The following PLPP4 variants were observed in gnomAD, a reference collection of about 807,000 sequenced individuals.
PLPP4 encodes the protein diacylglycerol pyrophosphate like 2.
In PLPP4, 20 loss-of-function variants were observed where a neutral mutation model predicts 32.2. The observed-to-expected ratio is 0.62, with a 90% CI of 0.44 to 0.90. PLPP4 has a LOEUF of 0.90. PLPP4 is among the 40% of genes least tolerant of loss of function. PLPP4 has a pLI of 0.00. For missense variants in PLPP4, 257 were observed against 353.1 expected (o/e 0.73, Z 2.18); for synonymous variants, 127 against 133.0 (o/e 0.95, Z 0.31).
chr10:120,467,877 T>C lies in PLPP4; in HGVS notation c.56+10516T>C, dbSNP rs1848387803. On this transcript the variant is annotated intron_variant, in intron 1 of 6. Transcript: ENST00000398250. ...ACCTGTTAGTCACTTTTCCTGATCC[T>C]TTTCCTCCTCCCACCCACTCACCCG... Among the ~76,000 whole-genome samples the C allele has an allele frequency of 3.1e-5, 2 of 64,490 alleles. 1 individual carries two copies. The highest frequency in any genetic ancestry group is 9.0e-5 in the Non-Finnish European group (2 of 22,196). The allele number at this position is 64,490 out of a possible 152,430, so 42.3% of individuals were successfully genotyped here.
intron 1 of PLPP4, among the ~76,000 whole-genome samples, chr10:120,489,563 C>T (rs1203995114): frequency 1.3e-5 from 2 of 152,146 alleles, no homozygotes; most frequent in African/African-American, 4.8e-5. Flanking sequence ...TGGGGAAGAC[C>T]TTGGGGTGGG....
At chr10:120,534,102 C>T (rs1235101555) in intron 5 of PLPP4, among the ~76,000 whole-genome samples, 3 of 152,068 alleles carry the variant, frequency 2.0e-5, no homozygotes, top group Admixed American at 2.0e-4. Flanking sequence ...TCTGGGATCA[C>T]TTGTTTGTGG....
At chr10:120,502,688 G>A (rs1845313806) in intron 1 of PLPP4, among the ~76,000 whole-genome samples, 1 of 152,158 alleles carries the variant, frequency 6.6e-6, no homozygotes, top group African/African-American at 2.4e-5. Flanking sequence ...GATAGAAAGC[G>A]GGGCTGTGGG....
intron 5 of PLPP4, among the ~76,000 whole-genome samples, chr10:120,561,105 T>C (rs1308768373): frequency 6.6e-6 from 1 of 152,212 alleles, no homozygotes; most frequent in African/African-American, 2.4e-5. Flanking sequence ...AGCAGTCCTT[T>C]AGCGCTTTGG....
intron 6 of PLPP4, among the ~76,000 whole-genome samples, chr10:120,577,910 C>T (rs932509884): frequency 3.9e-5 from 6 of 152,170 alleles, no homozygotes; most frequent in African/African-American, 1.2e-4. Context: ...TGTTTTCAAT[C>T]TCTCAGGGGA....
At chr10:120,544,090 C>T (rs1235527461) in intron 5 of PLPP4, among the ~76,000 whole-genome samples, 1 of 152,166 alleles carries the variant, frequency 6.6e-6, no homozygotes, top group Non-Finnish European at 1.5e-5. Context: ...GTACAGATAC[C>T]TCTTTGAGCC....
chr10:120,567,268 A>G (rs1374201309), intron 5 of PLPP4, among the ~76,000 whole-genome samples: 2 of 152,236 alleles, frequency 1.3e-5, no homozygotes, highest in Non-Finnish European at 2.9e-5. Flanking sequence ...ACTTTGGCTA[A>G]GAAATAGACA....
At chr10:120,478,577 A>G (rs926491148) in intron 1 of PLPP4, among the ~76,000 whole-genome samples, 8 of 152,252 alleles carry the variant, frequency 5.3e-5, no homozygotes, top group Non-Finnish European at 1.2e-4. Flanking sequence ...AGAAAACCAC[A>G]GTTAACATTC....
At chr10:120,575,495 G>C (rs1314846278) in intron 6 of PLPP4, among the ~76,000 whole-genome samples, 194 bp downstream of exon 6, 1 of 152,186 alleles carries the variant, frequency 6.6e-6, no homozygotes, top group Non-Finnish European at 1.5e-5. Flanking sequence ...CCTGGGGAAA[G>C]AATTGGAGCT....
At chr10:120,462,580 C>T (rs1395184341) in intron 1 of PLPP4, among the ~76,000 whole-genome samples, 2 of 152,226 alleles carry the variant, frequency 1.3e-5, no homozygotes, top group Non-Finnish European at 2.9e-5. Context: ...CAAGCATGGT[C>T]GGTGCCTCCT....
chr10:120,481,779 G>A (rs970401254), intron 1 of PLPP4, among the ~76,000 whole-genome samples: 5 of 152,178 alleles, frequency 3.3e-5, no homozygotes, highest in African/African-American at 1.2e-4. Context: ...CAACTGATAC[G>A]GTTTGACTGT....
intron 6 of PLPP4, 83 bp downstream of exon 6, chr10:120,575,384 T>TG: frequency 6.9e-7 from 1 of 1,445,542 alleles, no homozygotes; most frequent in Non-Finnish European, 9.4e-7. Context: ...GCACCAATTG[T>TG]GGGGAGCTAA....
chr10:120,517,385 C>A lies in PLPP4; in HGVS notation c.257-1448C>A, dbSNP rs192734196. On this transcript the variant is annotated intron_variant, in intron 3 of 6. Transcript: ENST00000398250. ...TTTGCTCTCGCCTTTTGGAGACAGG[C>A]CTCTCCACAGTGCTCTGAGCTTGCC... Among the ~76,000 whole-genome samples the A allele has an allele frequency of 1.1e-4, 16 of 152,304 alleles. No individual in the cohort carries two copies. In the East Asian group the frequency reaches 3.1e-3, roughly 29 times the overall value.
rs58655566 is a variant in PLPP4 at position 120,565,315 on chromosome 10, GGTGTGTGTGTGTGTGTGT to G, written c.446-9786_446-9769del. On this transcript the variant is annotated intron_variant, in intron 5 of 6. Transcript: ENST00000398250. ...TACATTTCCTTTGATTTGTTTGTGTGGTGTGTGTGTGTGTGTGTGTGTGTGTGTGTGTGTGTGTGTGTG... is the reference window on the plus strand; with the variant it reads ...TACATTTCCTTTGATTTGTTTGTGTGGTGTGTGTGTGTGTGTGTGTGTGTG... Among the ~76,000 whole-genome samples, 1,344 of 142,718 alleles carry G rather than the reference GGTGTGTGTGTGTGTGTGT, an allele frequency of 9.4e-3. 12 individuals are homozygous for G. The highest frequency in any genetic ancestry group is 0.031 in the South Asian group (132 of 4,324). The allele number at this position is 142,718 out of a possible 152,430, so 93.6% of individuals were successfully genotyped here. A position where few individuals can be genotyped will look rare whatever the true frequency, so the allele number is the denominator to read the frequency against.
At chr10:120,582,706 A>G (rs73354133) in intron 6 of PLPP4, among the ~76,000 whole-genome samples, 10,834 of 150,180 alleles carry the variant, frequency 0.072, 664 homozygotes, top group African/African-American at 0.17. Flanking sequence ...TATTCTCTAC[A>G]AGTTCTTTCC....
intron 1 of PLPP4, among the ~76,000 whole-genome samples, chr10:120,479,003 G>C (rs1844063352): frequency 6.6e-6 from 1 of 152,342 alleles, no homozygotes; most frequent in African/African-American, 2.4e-5. Flanking sequence ...AAGGTGGGCA[G>C]ATCATGAGGT....
At chr10:120,583,693 A>G (rs958500089) in intron 6 of PLPP4, among the ~76,000 whole-genome samples, 5 of 152,124 alleles carry the variant, frequency 3.3e-5, no homozygotes, top group African/African-American at 7.2e-5. Context: ...GAACCATACA[A>G]TGTGTGGCCA....
At chr10:120,507,978 G>A (rs967757502) in intron 2 of PLPP4, among the ~76,000 whole-genome samples, 9 of 152,144 alleles carry the variant, frequency 5.9e-5, no homozygotes, top group Admixed American at 2.6e-4. Flanking sequence ...AGGAATGATA[G>A]GTTTTGCAAA....
In PLPP4 at chr10:120,528,975, GT is replaced by G. The variant is rs35818441; in HGVS notation, c.445+7892del. ...AGCATACTAGGCAAGAGCCCCTCAT[GT>G]TTTTTTTTTTTCCCTAATGATTTTT... On this transcript the variant is annotated intron_variant, in intron 5 of 6. Coordinates refer to ENST00000398250, the MANE Select transcript of PLPP4 (RefSeq NM_001030059.3). 1.0e-3 allele frequency among the ~76,000 whole-genome samples: 151 copies of G among 147,698 alleles called. 1 individual carries two copies. The highest frequency in any genetic ancestry group is 3.6e-3 in the Middle Eastern group (1 of 280).
Sources: allele counts gnomAD v4.1 joint callset (sites outside exome capture counted in the v4.1 genomes callset), GRCh38; gene constraint gnomAD v4.1.1; transcripts MANE v1.5; gene names NCBI Gene and HGNC (gene_info 2026-07-23, HGNC 2026-07-21).